GRM5: variants seen among roughly 807,000 people sequenced by gnomAD.
The protein encoded by GRM5 is glutamate metabotropic receptor 5.
In GRM5, 19 loss-of-function variants were observed where a neutral mutation model predicts 83.1. The ratio of observed to expected loss-of-function variants is 0.23; its 90% CI spans 0.16 to 0.34. GRM5 has a LOEUF of 0.34. Among genes scored for constraint, GRM5 ranks in the 10% least tolerant of loss-of-function variants. The pLI, the probability that GRM5 is intolerant of heterozygous loss-of-function variation, is 1.00. For synonymous variants in GRM5, 675 were observed against 633.6 expected (o/e 1.07, Z -0.98); for missense variants, 1,160 against 1,588.3 (o/e 0.73, Z 4.58).
chr11:88,746,887 A>G (rs1391769915), intron 3 of GRM5, among the ~76,000 whole-genome samples: 2 of 152,178 alleles, frequency 1.3e-5, no homozygotes, highest in Non-Finnish European at 2.9e-5. Flanking sequence ...TAAAAATCCA[A>G]AAATCAATGA....
chr11:88,889,793 T>C (rs541567786), intron 2 of GRM5, among the ~76,000 whole-genome samples: 1 of 152,308 alleles, frequency 6.6e-6, no homozygotes, highest in African/African-American at 2.4e-5. Context: ...AGATAACTTC[T>C]GGTAGTCCTT....
chr11:89,042,022 G>A (rs914410706), intron 2 of GRM5, among the ~76,000 whole-genome samples: 5 of 152,082 alleles, frequency 3.3e-5, no homozygotes, highest in African/African-American at 9.7e-5. Context: ...AGAGCAAATT[G>A]ATCATGCTAT....
chr11:88,815,254 A>T (rs1355418473), intron 3 of GRM5, among the ~76,000 whole-genome samples: 1 of 152,222 alleles, frequency 6.6e-6, no homozygotes, highest in Non-Finnish European at 1.5e-5. Flanking sequence ...GAATTAAATT[A>T]TATATCAGTA....
At chr11:88,530,922 TG>T (rs534502534) in intron 8 of GRM5, among the ~76,000 whole-genome samples, 2 of 151,964 alleles carry the variant, frequency 1.3e-5, no homozygotes, top group African/African-American at 4.8e-5. Context: ...GTATTAGAAC[TG>T]GGGGGAAGAA....
At chr11:88,921,273 A>G (rs1383233587) in intron 2 of GRM5, among the ~76,000 whole-genome samples, 1 of 152,230 alleles carries the variant, frequency 6.6e-6, no homozygotes, top group Non-Finnish European at 1.5e-5. Context: ...CATCTTAATC[A>G]ATGCTGAAAA....
chr11:88,950,657 T>A (rs1356862405), intron 2 of GRM5, among the ~76,000 whole-genome samples: 5 of 152,194 alleles, frequency 3.3e-5, no homozygotes, highest in Admixed American at 2.6e-4. Flanking sequence ...GAAAAAATAC[T>A]TCAAAAAGCT....
chr11:88,661,459 A>ATT (rs142361612), intron 3 of GRM5, among the ~76,000 whole-genome samples: 20 of 150,120 alleles, frequency 1.3e-4, no homozygotes, highest in African/African-American at 4.4e-4. Flanking sequence ...GCATCTCAGT[A>ATT]TTTTTTTTTT....
intron 3 of GRM5, among the ~76,000 whole-genome samples, chr11:88,720,287 A>G (rs1941503362): frequency 6.9e-6 from 1 of 145,400 alleles, no homozygotes; most frequent in African/African-American, 2.5e-5. Context: ...TTAAGATAAT[A>G]CACTGGAAAA....
intron 3 of GRM5, among the ~76,000 whole-genome samples, chr11:88,723,153 T>A (rs1941586920): frequency 6.6e-6 from 1 of 152,060 alleles, no homozygotes; most frequent in Admixed American, 6.6e-5. Flanking sequence ...TTGGCTTTTT[T>A]TTTTTCTCAT....
chr11:88,583,873 A>AT (rs1418875119), intron 7 of GRM5, among the ~76,000 whole-genome samples: 3 of 151,986 alleles, frequency 2.0e-5, no homozygotes, highest in African/African-American at 7.3e-5. Context: ...ACCAGACTAC[A>AT]TTTTTCTGAG....
At chr11:88,914,950 G>C (rs1017657011) in intron 2 of GRM5, among the ~76,000 whole-genome samples, 1 of 152,050 alleles carries the variant, frequency 6.6e-6, no homozygotes, top group South Asian at 2.1e-4. Flanking sequence ...TCTTCAATTT[G>C]CCTCAATATT....
At chr11:88,683,663 C>T (rs1940550315) in intron 3 of GRM5, among the ~76,000 whole-genome samples, 1 of 152,102 alleles carries the variant, frequency 6.6e-6, no homozygotes, top group African/African-American at 2.4e-5. Flanking sequence ...ACTCTTTCTG[C>T]TCTTGTGTGA....
intron 1 of GRM5, among the ~76,000 whole-genome samples, chr11:89,051,749 G>A (rs1941767085): frequency 6.6e-6 from 1 of 152,118 alleles, no homozygotes; most frequent in Non-Finnish European, 1.5e-5. Flanking sequence ...ACAACAGAAA[G>A]CCATTGAGGA....
chr11:88,847,962 C>T (rs933857803), intron 3 of GRM5, among the ~76,000 whole-genome samples: 21 of 152,136 alleles, frequency 1.4e-4, no homozygotes, highest in African/African-American at 4.8e-4. Flanking sequence ...TGCTTTTTGG[C>T]AAATACACCA....
At chr11:88,842,523 T>C (rs1944221285) in intron 3 of GRM5, among the ~76,000 whole-genome samples, 1 of 152,210 alleles carries the variant, frequency 6.6e-6, no homozygotes, top group South Asian at 2.1e-4. Flanking sequence ...TCCACCTCAA[T>C]AAATCCAAAT....
chr11:88,579,673 G>A (rs1352840785), intron 7 of GRM5, among the ~76,000 whole-genome samples: 2 of 152,122 alleles, frequency 1.3e-5, no homozygotes, highest in South Asian at 4.1e-4. Context: ...CAATGTATTG[G>A]GAGGAAGAAC....
At chr11:88,517,228 T>C (rs34358708) in intron 9 of GRM5, among the ~76,000 whole-genome samples, 1 of 152,040 alleles carries the variant, frequency 6.6e-6, no homozygotes, top group Non-Finnish European at 1.5e-5. Flanking sequence ...TGTTGTCATA[T>C]GCATGCTATT....
chr11:88,586,192 C>T (rs564860808), intron 7 of GRM5, among the ~76,000 whole-genome samples: 62 of 149,822 alleles, frequency 4.1e-4, no homozygotes, highest in African/African-American at 5.6e-4. Flanking sequence ...AACACCTTAA[C>T]GTTAGGTAGC....
chr11:88,845,583 G>C (rs1944289499), intron 3 of GRM5, among the ~76,000 whole-genome samples: 1 of 151,652 alleles, frequency 6.6e-6, no homozygotes, highest in South Asian at 2.1e-4. Context: ...ACAGGCGCAC[G>C]CCGCGACACC....
Sources: gnomAD v4.1 joint callset for allele counts (sites outside exome capture counted in the v4.1 genomes callset) on GRCh38, gnomAD v4.1.1 for gene constraint, MANE v1.5 for transcripts, NCBI Gene and HGNC (gene_info 2026-07-23, HGNC 2026-07-21) for gene names.